WDR72: variants seen among roughly 807,000 people sequenced by gnomAD.
WDR72 encodes WD repeat domain 72.
In WDR72, 120 loss-of-function variants were observed where a neutral mutation model predicts 124.2. The observed-to-expected ratio is 0.97, with a 90% CI of 0.83 to 1.12. The LOEUF is 1.12. WDR72 is among the 50% of genes most tolerant of loss of function. The pLI is 0.00. For synonymous variants in WDR72, 452 were observed against 441.7 expected (o/e 1.02, Z -0.29); for missense variants, 1,387 against 1,278.8 (o/e 1.08, Z -1.29).
At chr15:53,760,165 G>A (rs2019034914), upstream of WDR72, among the ~76,000 whole-genome samples, 1 of 151,854 alleles carries the variant, frequency 6.6e-6, no homozygotes, top group Non-Finnish European at 1.5e-5. Flanking sequence ...TATCCTTTGT[G>A]TTACAAACAA....
rs188713182 is a variant in WDR72 at position 53,637,974 on chromosome 15, A to T, written c.1963-21731T>A. 3.8e-3 allele frequency among the ~76,000 whole-genome samples: 581 copies of T among 152,308 alleles called. 2 individuals are homozygous for T. Among genetic ancestry groups the T allele is most frequent in the African/African-American group, 0.013 (558 of 41,576 alleles). On this transcript the variant is annotated intron_variant, in intron 14 of 19. Coordinates refer to ENST00000360509, the MANE Select transcript of WDR72 (RefSeq NM_182758.4). The stretch of plus-strand genomic sequence containing the variant: ...TGGAGAGGGGTTACTTCCCATATCA[A>T]TATTTTGCAATTAGTAGTACTCAAG...
chr15:53,569,330 A>G (rs1276963938), intron 18 of WDR72, among the ~76,000 whole-genome samples: 1 of 152,052 alleles, frequency 6.6e-6, no homozygotes, highest in African/African-American at 2.4e-5. Context: ...GATGACAAGG[A>G]TTGCATAACT....
At position 53,514,814 on chromosome 15, in the gene WDR72, A is replaced by C. The variant is rs1891343643; in HGVS notation, c.*2885T>G. The stretch of plus-strand genomic sequence containing the variant: ...GTGAGAAAGCTCTCCAACACAGGGG[A>C]GGGAATGAGGCTCTGACAAGCACAG... On this transcript the variant is annotated 3_prime_UTR_variant, in exon 20 of 20. Transcript: ENST00000360509. 6.6e-6 allele frequency: 1 copy of C among 151,714 alleles called. No homozygotes were observed. Among genetic ancestry groups the C allele is most frequent in the Non-Finnish European group, 1.5e-5 (1 of 67,960 alleles). 9.4% of individuals were successfully genotyped at this position (151,714 alleles called of 1,614,324 possible).
rs1465107613 is a variant in WDR72, at chr15:53,515,455, C to G, written c.*2244G>C. 6.6e-6 allele frequency: 1 copy of G among 152,136 alleles called. No individual in the cohort carries two copies. Among genetic ancestry groups the G allele is most frequent in the African/African-American group, 2.4e-5 (1 of 41,436 alleles). 9.4% of individuals were successfully genotyped at this position (152,136 alleles called of 1,614,324 possible). ...TATAAAGAATTCATTTTTAAACAGA[C>G]TAGTGAATTTGTGTCATAAACACAC... On this transcript the variant is annotated 3_prime_UTR_variant, in exon 20 of 20. Coordinates refer to ENST00000360509, the MANE Select transcript of WDR72 (RefSeq NM_182758.4).
At chr15:53,636,393 T>C (rs2014623907) in intron 14 of WDR72, among the ~76,000 whole-genome samples, 1 of 152,152 alleles carries the variant, frequency 6.6e-6, no homozygotes, top group Admixed American at 6.6e-5. Flanking sequence ...AACTTTTAAA[T>C]AAATCTTTAA....
At chr15:53,635,723 A>T (rs2014598387) in intron 14 of WDR72, among the ~76,000 whole-genome samples, 1 of 152,026 alleles carries the variant, frequency 6.6e-6, no homozygotes, top group African/African-American at 2.4e-5. Flanking sequence ...GGGTTGAAAA[A>T]CTAGCTGTTG....
At position 53,665,715 on chromosome 15, in the gene WDR72, A is replaced by C. The variant is rs759174823; in HGVS notation, c.1819T>G (p.Cys607Gly). ...GERARIILNC[C>G]DDSQLVKSVL... Reference sequence around the variant, plus strand: ...GACTTCACAAGCTGTGAATCATCACAACAATTAAGAATAATTCGTGCTCTT... The same window carrying C: ...GACTTCACAAGCTGTGAATCATCACCACAATTAAGAATAATTCGTGCTCTT... Residue 607 changes from cysteine to glycine, a missense_variant, in exon 14 of 20, where the codon TGT becomes GGT. By Grantham distance (159) the Cys-to-Gly change is radical (BLOSUM62 -3). Transcript: ENST00000360509. The C allele has an allele frequency of 6.2e-7, 1 of 1,613,956 alleles. No homozygotes were observed. Among genetic ancestry groups the C allele is most frequent in the Admixed American group, 1.7e-5 (1 of 59,972 alleles).
At chr15:53,735,019 C>T (rs1177151573) in intron 1 of WDR72, among the ~76,000 whole-genome samples, 8 of 151,766 alleles carry the variant, frequency 5.3e-5, no homozygotes, top group Non-Finnish European at 1.0e-4. Context: ...AATGGCTAGG[C>T]GCAGTGTCTC....
At chr15:53,722,674 A>G in intron 3 of WDR72, 128 bp downstream of exon 3, 1 of 785,864 alleles carries the variant, frequency 1.3e-6, no homozygotes, top group Non-Finnish European at 2.2e-6. Flanking sequence ...CTATATCTAA[A>G]TGTTCCTATA....
chr15:53,662,673 T>C (rs1282698904), intron 14 of WDR72, among the ~76,000 whole-genome samples: 1 of 152,152 alleles, frequency 6.6e-6, no homozygotes, highest in Admixed American at 6.5e-5. Context: ...AGAAAACTCA[T>C]GAAGCATTTT....
rs3081214 is a variant in WDR72, at chr15:53,575,006, A to AACACACAC, written c.3148+22065_3148+22072dup. 5.5e-3 allele frequency among the ~76,000 whole-genome samples: 803 copies of AACACACAC among 147,268 alleles called. 6 individuals are homozygous for AACACACAC. The highest frequency in any genetic ancestry group is 0.019 in the African/African-American group (759 of 39,966). On this transcript the variant is annotated intron_variant, in intron 18 of 19. Coordinates refer to ENST00000360509, the MANE Select transcript of WDR72 (RefSeq NM_182758.4). Reference sequence around the variant, plus strand: ...AAAGAGGCTAATGAAAATCAAACACAACACACACACACACACACACACACA... The same window carrying AACACACAC: ...AAAGAGGCTAATGAAAATCAAACACAACACACACACACACACACACACACACACACACA...
At chr15:53,660,225 T>A (rs190638223) in intron 14 of WDR72, among the ~76,000 whole-genome samples, 1 of 152,008 alleles carries the variant, frequency 6.6e-6, no homozygotes, top group African/African-American at 2.4e-5. Flanking sequence ...GTTCTTTTTT[T>A]ATAGTTATAC....
At chr15:53,719,831 T>C (rs1040697663) in intron 3 of WDR72, among the ~76,000 whole-genome samples, 6 of 152,186 alleles carry the variant, frequency 3.9e-5, no homozygotes, top group Non-Finnish European at 7.3e-5. Flanking sequence ...ACGCTCAGGA[T>C]TGAGAAGCAC....
rs1426649108 is a variant in WDR72, at chr15:53,691,601, A to T, written c.1765+8149T>A. Among the ~76,000 whole-genome samples, 9 of 56,458 alleles carry T rather than the reference A, an allele frequency of 1.6e-4. No individual in the cohort carries two copies. The East Asian group carries it at 2.8e-3, about 17-fold the overall frequency. The allele number at this position is 56,458 out of a possible 152,430, so 37.0% of individuals were successfully genotyped here. A position where few individuals can be genotyped will look rare whatever the true frequency, so the allele number is the denominator to read the frequency against. On this transcript the variant is annotated intron_variant, in intron 13 of 19. Transcript: ENST00000360509. ...TATTACAGCAAACATGTAAAATGATAGACAGACAGACAGACAGACAGATAG... is the reference window on the plus strand; with the variant it reads ...TATTACAGCAAACATGTAAAATGATTGACAGACAGACAGACAGACAGATAG...
intron 9 of WDR72, 75 bp downstream of exon 9, chr15:53,710,782 G>A: frequency 8.1e-7 from 1 of 1,237,752 alleles, no homozygotes; most frequent in Non-Finnish European, 1.2e-6. Flanking sequence ...GCCTGATTCT[G>A]TGACAGACAA....
intron 18 of WDR72, among the ~76,000 whole-genome samples, chr15:53,554,429 C>A (rs769432532): frequency 1.3e-5 from 2 of 152,088 alleles, no homozygotes; most frequent in Non-Finnish European, 2.9e-5. Flanking sequence ...AAAATGGCAG[C>A]CAAAGCTGGT....
intron 18 of WDR72, among the ~76,000 whole-genome samples, chr15:53,549,391 A>G (rs533549116): frequency 6.6e-6 from 1 of 151,896 alleles, no homozygotes; most frequent in South Asian, 2.1e-4. Flanking sequence ...TGTCTATTCA[A>G]TTTTCAGGTT....
At chr15:53,659,516 C>T (rs189335812) in intron 14 of WDR72, among the ~76,000 whole-genome samples, 106 of 152,214 alleles carry the variant, frequency 7.0e-4, no homozygotes, top group Admixed American at 4.5e-3. Context: ...AGGTGGACAG[C>T]TGGAGTCATT....
intron 13 of WDR72, among the ~76,000 whole-genome samples, chr15:53,694,129 G>T (rs62007982): frequency 0.13 from 19,551 of 152,134 alleles, 1,814 homozygotes; most frequent in East Asian, 0.43. Flanking sequence ...TCCTCCTGGA[G>T]CCCAGCAGTA....
Sources: gnomAD v4.1 joint callset for allele counts (sites outside exome capture counted in the v4.1 genomes callset) on GRCh38, gnomAD v4.1.1 for gene constraint, MANE v1.5 for transcripts, NCBI Gene and HGNC (gene_info 2026-07-23, HGNC 2026-07-21) for gene names.